TAMM41: variants seen among roughly 807,000 people sequenced by gnomAD.
The protein encoded by TAMM41 is phosphatidate cytidylyltransferase, mitochondrial.
TAMM41 carries 36 observed loss-of-function variants against 44.1 expected under a neutral mutation model. That is an observed-to-expected ratio of 0.82 (90% confidence interval 0.63 to 1.08). The LOEUF (loss-of-function observed/expected upper bound fraction) is 1.08. Ranked by LOEUF, TAMM41 falls within the 50% of genes least tolerant of loss-of-function variation. The pLI, the probability that TAMM41 is intolerant of heterozygous loss-of-function variation, is 0.00. For synonymous variants in TAMM41, 164 were observed against 153.1 expected (o/e 1.07, Z -0.53); for missense variants, 417 against 404.3 (o/e 1.03, Z -0.27).
At chr3:11,816,518 C>G (rs957887180) in intron 5 of TAMM41, among the ~76,000 whole-genome samples, 1 of 152,172 alleles carries the variant, frequency 6.6e-6, no homozygotes, top group Non-Finnish European at 1.5e-5. Context: ...AATCCCAGTA[C>G]TTTTGGACGC....
At chr3:11,764,812 A>G in the TAMM41 span, among the ~76,000 whole-genome samples, 31 of 152,254 alleles carry the variant, frequency 2.0e-4, no homozygotes, top group Admixed American at 1.7e-3. Flanking sequence ...TTTTTCAATA[A>G]AGACAGCTAG....
At chr3:11,830,012 ATAAG>A (rs559549530) in intron 3 of TAMM41, 148 bp from the exon 4 acceptor site, 7 of 682,708 alleles carry the variant, frequency 1.0e-5, no homozygotes, top group Non-Finnish European at 1.7e-5. Flanking sequence ...TGTTCCTCTA[ATAAG>A]TAATCCCAGA....
chr3:11,777,971 G>A, the TAMM41 span, among the ~76,000 whole-genome samples: 2 of 151,816 alleles, frequency 1.3e-5, no homozygotes, highest in Non-Finnish European at 2.9e-5. Context: ...AATCTACATC[G>A]TGTCTCGGTA....
intron 4 of TAMM41, among the ~76,000 whole-genome samples, chr3:11,828,348 TAA>T (rs1275273320): frequency 6.6e-6 from 1 of 152,214 alleles, no homozygotes; most frequent in Non-Finnish European, 1.5e-5. Flanking sequence ...TGTCATTTGG[TAA>T]ATTTCCTTAG....
chr3:11,741,728 T>C, the TAMM41 span, among the ~76,000 whole-genome samples: 1 of 150,314 alleles, frequency 6.7e-6, no homozygotes, highest in East Asian at 1.9e-4. Context: ...TTCTTTCTTA[T>C]GTTGGGAACT....
At chr3:11,801,098 G>GA (rs34203222) in intron 7 of TAMM41, among the ~76,000 whole-genome samples, 75,389 of 123,094 alleles carry the variant, frequency 0.61, 21,643 homozygotes, top group East Asian at 0.78. Flanking sequence ...TCTCAAGAAA[G>GA]AAAAAAAAAA....
chr3:11,782,418 G>A, the TAMM41 span, among the ~76,000 whole-genome samples: 103 of 151,890 alleles, frequency 6.8e-4, no homozygotes, highest in Non-Finnish European at 1.0e-3. Flanking sequence ...GTGGTGGTGC[G>A]TGCCCATAGT....
chr3:11,767,232 C>A, the TAMM41 span, among the ~76,000 whole-genome samples: 1 of 151,986 alleles, frequency 6.6e-6, no homozygotes, highest in East Asian at 1.9e-4. Flanking sequence ...CCATGCCTGG[C>A]TAAATTTTGT....
the TAMM41 span, among the ~76,000 whole-genome samples, chr3:11,727,712 C>A: frequency 1.3e-5 from 2 of 151,984 alleles, no homozygotes; most frequent in East Asian, 1.9e-4. Flanking sequence ...GTGATCCTCC[C>A]GCCTTGGCCT....
At chr3:11,806,485 T>G (rs971009427) in intron 7 of TAMM41, among the ~76,000 whole-genome samples, 3 of 151,976 alleles carry the variant, frequency 2.0e-5, no homozygotes, top group Non-Finnish European at 2.9e-5. Flanking sequence ...TTCCTGGAAA[T>G]TATAAACACT....
chr3:11,817,388 C>T (rs781340412), intron 4 of TAMM41, 51 bp from the exon 5 acceptor site: 21 of 1,569,720 alleles, frequency 1.3e-5, no homozygotes, highest in South Asian at 2.3e-5. Flanking sequence ...TCCACACTCT[C>T]GACCTATGAA....
chr3:11,786,280 T>TTTATTTAA (rs1553564662), downstream of TAMM41, among the ~76,000 whole-genome samples: 1 of 109,092 alleles, frequency 9.2e-6, no homozygotes, highest in East Asian at 2.3e-4. Flanking sequence ...TATTTATTTA[T>TTTATTTAA]TTAATTTTAT....
the TAMM41 span, among the ~76,000 whole-genome samples, chr3:11,729,520 TCTTTCTTTTCTTTCTTTCA>T: frequency 2.9e-5 from 4 of 138,014 alleles, no homozygotes; most frequent in East Asian, 2.7e-4. Flanking sequence ...TTTCTTTCTT[TCTTTCTTTTCTTTCTTTCA>T]TTTTTTTTTT....
the TAMM41 span, among the ~76,000 whole-genome samples, chr3:11,769,999 A>C: frequency 6.6e-6 from 1 of 152,254 alleles, no homozygotes; most frequent in East Asian, 1.9e-4. Flanking sequence ...GAAGCCTAGA[A>C]AACAAGGTAG....
At chr3:11,728,251 G>GCC in the TAMM41 span, among the ~76,000 whole-genome samples, 1 of 152,290 alleles carries the variant, frequency 6.6e-6, no homozygotes, top group Non-Finnish European at 1.5e-5. Flanking sequence ...ATGTATTGAG[G>GCC]CCCCACCTGC....
intron 4 of TAMM41, among the ~76,000 whole-genome samples, 166 bp downstream of exon 4, chr3:11,829,548 A>G (rs2078896192): frequency 6.6e-6 from 1 of 152,218 alleles, no homozygotes; most frequent in Admixed American, 6.5e-5. Context: ...GAGGGGACCC[A>G]GGAGGTAGGG....
chr3:11,760,232 C>A, the TAMM41 span, among the ~76,000 whole-genome samples: 133 of 152,308 alleles, frequency 8.7e-4, 1 homozygote, highest in African/African-American at 3.2e-3. Flanking sequence ...ACTGCCACTG[C>A]TGACATTGAC....
chr3:11,756,637 G>A, the TAMM41 span, among the ~76,000 whole-genome samples: 32 of 152,092 alleles, frequency 2.1e-4, no homozygotes, highest in African/African-American at 7.0e-4. Context: ...AGGCCGAGGC[G>A]GGCAGATCAC....
the TAMM41 span, among the ~76,000 whole-genome samples, chr3:11,753,748 T>A: frequency 3.3e-5 from 5 of 149,824 alleles, no homozygotes; most frequent in East Asian, 2.0e-4. Context: ...AAAAAAAAAA[T>A]AAAATAAACT....
Sources: allele counts gnomAD v4.1 joint callset (sites outside exome capture counted in the v4.1 genomes callset), GRCh38; gene constraint gnomAD v4.1.1; transcripts MANE v1.5; gene names NCBI Gene and HGNC (gene_info 2026-07-23, HGNC 2026-07-21).